Variants in EXOC6B observed in about 807,000 individuals in gnomAD.
EXOC6B encodes the protein exocyst complex component 6B.
In EXOC6B, 54 loss-of-function variants were observed where a neutral mutation model predicts 113.5. The observed-to-expected ratio is 0.48, with a 90% CI of 0.38 to 0.60. The LOEUF (loss-of-function observed/expected upper bound fraction) is 0.60, where lower values mean the gene tolerates loss of function less well. EXOC6B is among the 20% of genes least tolerant of loss of function. The pLI, the probability that EXOC6B is intolerant of heterozygous loss-of-function variation, is 0.00. For synonymous variants in EXOC6B, 357 were observed against 339.0 expected (o/e 1.05, Z -0.58); for missense variants, 797 against 977.5 (o/e 0.82, Z 2.46).
intron 18 of EXOC6B, among the ~76,000 whole-genome samples, chr2:72,442,042 G>T (rs1005023683): frequency 6.6e-6 from 1 of 152,144 alleles, no homozygotes; most frequent in Non-Finnish European, 1.5e-5. Context: ...GCATCAAAAA[G>T]CTTATGCACC....
At chr2:72,688,032 T>A (rs181356332) in intron 6 of EXOC6B, among the ~76,000 whole-genome samples, 16 of 152,178 alleles carry the variant, frequency 1.1e-4, no homozygotes, top group Admixed American at 9.2e-4. Context: ...CAAAAGATAC[T>A]GACAAAGGAC....
In EXOC6B at chr2:72,631,031, C is replaced by T. The variant is rs980207050; in HGVS notation, c.670-55363G>A. ...CTACATAACAGTGCATTCATCATGA[C>T]TTTGCATTACCACCACTAATCAGAA... On this transcript the variant is annotated intron_variant, in intron 6 of 21. Transcript: ENST00000272427. 4.6e-5 allele frequency among the ~76,000 whole-genome samples: 7 copies of T among 152,104 alleles called. No individual in the cohort carries two copies. In the South Asian group the frequency reaches 6.2e-4, roughly 14 times the overall value.
intron 6 of EXOC6B, among the ~76,000 whole-genome samples, chr2:72,712,537 G>A (rs1324910399): frequency 1.3e-5 from 2 of 152,164 alleles, no homozygotes; most frequent in Non-Finnish European, 2.9e-5. Context: ...CCATTTTCTT[G>A]CTGGCTGTCA....
intron 2 of EXOC6B, among the ~76,000 whole-genome samples, chr2:72,738,558 T>C (rs1489193080): frequency 1.3e-5 from 2 of 152,232 alleles, no homozygotes; most frequent in African/African-American, 4.8e-5. Flanking sequence ...CAGTTGAAAC[T>C]GCAGGAAACT....
chr2:72,225,210 A>T (rs1266822311), intron 20 of EXOC6B, among the ~76,000 whole-genome samples: 1 of 151,998 alleles, frequency 6.6e-6, no homozygotes, highest in Non-Finnish European at 1.5e-5. Flanking sequence ...ACTACATAGG[A>T]TATCATATTT....
chr2:72,418,646 A>C (rs2105251525), intron 18 of EXOC6B, among the ~76,000 whole-genome samples: 1 of 152,190 alleles, frequency 6.6e-6, no homozygotes, highest in African/African-American at 2.4e-5. Flanking sequence ...TCTTTTGGTT[A>C]CTGTTTGCAT....
In EXOC6B at chr2:72,336,979, C is replaced by G. The variant is rs1463050351; in HGVS notation, c.2123-1959G>C. Among the ~76,000 whole-genome samples the G allele has an allele frequency of 2.0e-5, 3 of 150,332 alleles. No homozygotes were observed. The East Asian group carries it at 5.8e-4, about 29-fold the overall frequency. Reference sequence around the variant, plus strand: ...CCAAGATTGCATTATTGCACTCCAGCCTGGGCAACAAGAACGAAACTCAGT... The same window carrying G: ...CCAAGATTGCATTATTGCACTCCAGGCTGGGCAACAAGAACGAAACTCAGT... On this transcript the variant is annotated intron_variant, in intron 19 of 21. Coordinates refer to ENST00000272427, the MANE Select transcript of EXOC6B (RefSeq NM_015189.3).
In EXOC6B at chr2:72,287,498, A is replaced by T. The variant is rs1039562774; in HGVS notation, c.2196+47449T>A. On this transcript the variant is annotated intron_variant, in intron 20 of 21. Transcript: ENST00000272427. The stretch of plus-strand genomic sequence containing the variant: ...AGAATATAAATGCAAAGTGGAATCA[A>T]CAAAGGCAAAGAAATGCTTCTTTGA... Among the ~76,000 whole-genome samples, 9 of 151,718 alleles carry T rather than the reference A, an allele frequency of 5.9e-5. No individual in the cohort carries two copies. The East Asian group carries it at 1.7e-3, about 29-fold the overall frequency.
intron 6 of EXOC6B, among the ~76,000 whole-genome samples, chr2:72,623,360 C>G (rs1191471378): frequency 6.6e-6 from 1 of 152,140 alleles, no homozygotes; most frequent in Non-Finnish European, 1.5e-5. Flanking sequence ...CTTGTTCAAA[C>G]AGATATACTT....
chr2:72,271,722 A>G (rs571124316), intron 20 of EXOC6B, among the ~76,000 whole-genome samples: 12 of 152,280 alleles, frequency 7.9e-5, no homozygotes, highest in Non-Finnish European at 1.8e-4. Context: ...GGGTTTGCAC[A>G]TATACCACAA....
intron 18 of EXOC6B, among the ~76,000 whole-genome samples, chr2:72,454,955 C>T (rs1254326815): frequency 6.6e-6 from 1 of 151,886 alleles, no homozygotes; most frequent in Admixed American, 6.6e-5. Flanking sequence ...CTATGTAGCT[C>T]AAATAACGTA....
At chr2:72,367,837 G>A (rs1036168869) in intron 19 of EXOC6B, among the ~76,000 whole-genome samples, 7 of 152,128 alleles carry the variant, frequency 4.6e-5, no homozygotes, top group African/African-American at 1.4e-4. Flanking sequence ...CACACATGGA[G>A]GGAACATTTG....
rs535722816 is a variant in EXOC6B, at chr2:72,405,148, G to A, written c.1981-25278C>T. ...TGAATGAAATGAAGTGAGAAGTTTA[G>A]AGAAAAAAGAATGAAAGGAAATGAA... On this transcript the variant is annotated intron_variant, in intron 18 of 21. Transcript: ENST00000272427. 3.7e-4 allele frequency among the ~76,000 whole-genome samples: 57 copies of A among 152,216 alleles called. 1 individual carries two copies. The highest frequency in any genetic ancestry group is 1.4e-3 in the African/African-American group (57 of 41,510).
intron 8 of EXOC6B, among the ~76,000 whole-genome samples, chr2:72,558,383 T>A (rs1409237759): frequency 6.6e-6 from 1 of 152,072 alleles, no homozygotes; most frequent in Non-Finnish European, 1.5e-5. Context: ...ATCTAACCAA[T>A]AAAACTACCA....
chr2:72,449,176 A>C (rs912103971), intron 18 of EXOC6B, among the ~76,000 whole-genome samples: 4 of 152,022 alleles, frequency 2.6e-5, no homozygotes, highest in Admixed American at 2.6e-4. Context: ...AATTTGTCCT[A>C]CAGCATTGTC....
At position 72,176,977 on chromosome 2, in the gene EXOC6B, T is replaced by A. The variant is rs1677771921; in HGVS notation, c.*2358A>T. 6.6e-6 allele frequency: 1 copy of A among 152,190 alleles called. No homozygotes were observed. Among genetic ancestry groups the A allele is most frequent in the Non-Finnish European group, 1.5e-5 (1 of 68,040 alleles). 9.4% of individuals were successfully genotyped at this position (152,190 alleles called of 1,614,324 possible). A position where few individuals can be genotyped will look rare whatever the true frequency, so the allele number is the denominator to read the frequency against. On this transcript the variant is annotated 3_prime_UTR_variant, in exon 22 of 22. Transcript: ENST00000272427. ...AGACAAAACTAAAAACATCCCACTT[T>A]TCTAGTTCAAAAACTTGACATTGCT...
chr2:72,438,698 G>C (rs1696027103), intron 18 of EXOC6B, among the ~76,000 whole-genome samples: 1 of 151,990 alleles, frequency 6.6e-6, no homozygotes. Flanking sequence ...TACTCTTTTT[G>C]AAATCACCTT....
At chr2:72,410,841 TA>T (rs898333115) in intron 18 of EXOC6B, among the ~76,000 whole-genome samples, 7 of 151,978 alleles carry the variant, frequency 4.6e-5, no homozygotes, top group Non-Finnish European at 8.8e-5. Context: ...GAAAAAAAAA[TA>T]ACCATTGGGA....
At chr2:72,365,353 G>T (rs1690556008) in intron 19 of EXOC6B, among the ~76,000 whole-genome samples, 1 of 152,132 alleles carries the variant, frequency 6.6e-6, no homozygotes, top group East Asian at 1.9e-4. Flanking sequence ...AAAAATCCTG[G>T]AAACCTGGAA....
Sources: gnomAD v4.1 joint callset for allele counts (sites outside exome capture counted in the v4.1 genomes callset) on GRCh38, gnomAD v4.1.1 for gene constraint, MANE v1.5 for transcripts, NCBI Gene and HGNC (gene_info 2026-07-23, HGNC 2026-07-21) for gene names.